The following ACCSL variants were observed in gnomAD, a reference collection of about 807,000 sequenced individuals.
ACCSL encodes the protein probable inactive 1-aminocyclopropane-1-carboxylate synthase-like protein 2.
In ACCSL, 55 loss-of-function variants were observed where a neutral mutation model predicts 61.7. The observed-to-expected ratio is 0.89, with a 90% CI of 0.72 to 1.12. The LOEUF (loss-of-function observed/expected upper bound fraction) is 1.12. Ranked by LOEUF, ACCSL falls within the 50% of genes most tolerant of loss-of-function variation. The pLI is 0.00. For synonymous variants in ACCSL, 258 were observed against 264.3 expected, an observed-to-expected ratio of 0.98 and a Z score of 0.23; for missense variants, 632 against 698.0, an observed-to-expected ratio of 0.91 and a Z score of 1.07.
At chr11:43,930,066 G>T in the ACCSL span, among the ~76,000 whole-genome samples, 3 of 152,180 alleles carry the variant, frequency 2.0e-5, no homozygotes, top group Non-Finnish European at 4.4e-5. Context: ...GCCCTGAGAG[G>T]AAGGCACTCC....
At chr11:43,979,358 A>C in the ACCSL span, among the ~76,000 whole-genome samples, 1 of 152,070 alleles carries the variant, frequency 6.6e-6, no homozygotes, top group African/African-American at 2.4e-5. Context: ...AAAACAAAAA[A>C]CAAAAAATGA....
At chr11:43,989,894 G>A in the ACCSL span, among the ~76,000 whole-genome samples, 1 of 152,278 alleles carries the variant, frequency 6.6e-6, no homozygotes, top group Non-Finnish European at 1.5e-5. Flanking sequence ...CAGAACGCTG[G>A]CGGCCCCGCC....
the ACCSL span, among the ~76,000 whole-genome samples, chr11:44,026,046 G>T: frequency 2.8e-4 from 43 of 152,284 alleles, 1 homozygote; most frequent in African/African-American, 9.9e-4. Context: ...AGTGGAACTT[G>T]TTGAGCTTCT....
At chr11:44,027,243 G>T in the ACCSL span, among the ~76,000 whole-genome samples, 1 of 152,104 alleles carries the variant, frequency 6.6e-6, no homozygotes, top group African/African-American at 2.4e-5. Flanking sequence ...TTACTTCCTT[G>T]GGCAGAGGCT....
At chr11:43,973,748 T>C in the ACCSL span, 11 of 152,206 alleles carry the variant, frequency 7.2e-5, no homozygotes, top group African/African-American at 2.7e-4. Context: ...AGAATGATGA[T>C]TTGGGGGTAG....
chr11:43,960,892 C>T, the ACCSL span, among the ~76,000 whole-genome samples: 36 of 152,302 alleles, frequency 2.4e-4, no homozygotes, highest in African/African-American at 8.7e-4. Context: ...GATCTTGGCT[C>T]ACTGCAACCT....
the ACCSL span, among the ~76,000 whole-genome samples, chr11:44,005,453 C>A: frequency 6.6e-6 from 1 of 152,136 alleles, no homozygotes; most frequent in African/African-American, 2.4e-5. Context: ...GAGGGCAGCA[C>A]TAGCTTTGTT....
chr11:44,031,313 C>G, the ACCSL span, among the ~76,000 whole-genome samples: 1 of 152,176 alleles, frequency 6.6e-6, no homozygotes, highest in Non-Finnish European at 1.5e-5. Flanking sequence ...GTCCGGCTCC[C>G]CCAGGGTATC....
chr11:44,007,074 T>G, the ACCSL span, among the ~76,000 whole-genome samples: 2 of 152,014 alleles, frequency 1.3e-5, no homozygotes, highest in African/African-American at 4.8e-5. Flanking sequence ...TAAAGCTGAC[T>G]CCAAAGTTAG....
the ACCSL span, chr11:43,932,949 C>A: frequency 5.2e-6 from 2 of 385,566 alleles, no homozygotes; most frequent in South Asian, 1.9e-5. Context: ...TTGCCCTGGG[C>A]CACACAGCTC....
chr11:44,056,858 A>C (rs1952675089), intron 11 of ACCSL, among the ~76,000 whole-genome samples: 1 of 152,298 alleles, frequency 6.6e-6, no homozygotes, highest in African/African-American at 2.4e-5. Context: ...AAACTACAGG[A>C]TGAGCTTTAA....
chr11:43,947,781 C>G, the ACCSL span, among the ~76,000 whole-genome samples: 1 of 147,624 alleles, frequency 6.8e-6, no homozygotes, highest in African/African-American at 2.5e-5. Context: ...GAGAGAGACC[C>G]ACAGGGGTAG....
chr11:44,031,059 G>T, the ACCSL span, among the ~76,000 whole-genome samples: 2 of 152,304 alleles, frequency 1.3e-5, no homozygotes, highest in African/African-American at 2.4e-5. Context: ...TGGGGTTTAA[G>T]TCTCAGCCCT....
the ACCSL span, among the ~76,000 whole-genome samples, chr11:44,021,888 C>A: frequency 6.6e-6 from 1 of 151,884 alleles, no homozygotes; most frequent in Non-Finnish European, 1.5e-5. Context: ...CCTTCCTCAC[C>A]TTATGTTTTT....
At chr11:44,027,701 C>T in the ACCSL span, among the ~76,000 whole-genome samples, 1 of 152,204 alleles carries the variant, frequency 6.6e-6, no homozygotes, top group African/African-American at 2.4e-5. Context: ...CCATGCCTCT[C>T]CACCATACCA....
the ACCSL span, among the ~76,000 whole-genome samples, chr11:43,981,332 A>G: frequency 6.6e-6 from 1 of 152,092 alleles, no homozygotes; most frequent in Non-Finnish European, 1.5e-5. Context: ...TTCCCTGGAC[A>G]CTGGGGCTTT....
the ACCSL span, among the ~76,000 whole-genome samples, chr11:43,967,140 TCAGTTCTTC>T: frequency 6.8e-6 from 1 of 148,094 alleles, no homozygotes; most frequent in Non-Finnish European, 1.5e-5. Flanking sequence ...ACTACTTCCC[TCAGTTCTTC>T]CAGTTCTTCT....
At chr11:43,999,312 A>G in the ACCSL span, among the ~76,000 whole-genome samples, 1 of 152,030 alleles carries the variant, frequency 6.6e-6, no homozygotes, top group African/African-American at 2.4e-5. Flanking sequence ...AAAATGACAC[A>G]CCTCTCAACC....
chr11:44,012,070 C>T, the ACCSL span, among the ~76,000 whole-genome samples: 3 of 152,028 alleles, frequency 2.0e-5, no homozygotes, highest in African/African-American at 4.8e-5. Context: ...TCTGTCCGTC[C>T]TGCCAAAGTC....
Sources: allele counts gnomAD v4.1 joint callset (sites outside exome capture counted in the v4.1 genomes callset), GRCh38; gene constraint gnomAD v4.1.1; transcripts MANE v1.5; gene names NCBI Gene and HGNC (gene_info 2026-07-23, HGNC 2026-07-21).